PDE9A: variants seen among roughly 807,000 people sequenced by gnomAD.
PDE9A encodes high affinity cGMP-specific 3',5'-cyclic phosphodiesterase 9A.
PDE9A carries 60 observed loss-of-function variants against 87.4 expected under a neutral mutation model. That is an observed-to-expected ratio of 0.69 (90% CI 0.56 to 0.85). PDE9A has a LOEUF of 0.85. Among genes scored for constraint, PDE9A ranks in the 40% least tolerant of loss-of-function variants. The pLI is 0.00. For synonymous variants in PDE9A, 272 were observed against 279.4 expected, an observed-to-expected ratio of 0.97 and a Z score of 0.27; for missense variants, 665 against 779.0, an observed-to-expected ratio of 0.85 and a Z score of 1.74.
At chr21:42,662,176 C>A (rs796835825) in intron 1 of PDE9A, among the ~76,000 whole-genome samples, 16 of 152,234 alleles carry the variant, frequency 1.1e-4, no homozygotes, top group South Asian at 4.1e-4. Context: ...TTATCCATGT[C>A]ATGGATTTAA....
rs902347896 is a variant in PDE9A at position 42,696,784 on chromosome 21, C to G, written c.219-2184C>G. Among the ~76,000 whole-genome samples the G allele has an allele frequency of 1.3e-5, 2 of 152,184 alleles. No individual in the cohort carries two copies. The highest frequency in any genetic ancestry group is 4.8e-5 in the African/African-American group (2 of 41,472). On this transcript the variant is annotated intron_variant, in intron 3 of 19. Coordinates refer to ENST00000291539, the MANE Select transcript of PDE9A (RefSeq NM_002606.3). The surrounding 1 kb of genome is among the most constrained non-coding windows in gnomAD (Gnocchi z 5.1). ...GCTCTGGGTCTGTAAGGCAGTGAGG[C>G]TGAGGTTCCTGGGACAGCTGGGCAC...
intron 3 of PDE9A, chr21:42,689,530 T>C (rs1325677433): frequency 2.0e-6 from 2 of 985,280 alleles, no homozygotes; most frequent in Non-Finnish European, 2.4e-6. Flanking sequence ...AGAGGGGACC[T>C]CACAGAAACC....
Position 42,760,483 on chromosome 21 carries a change from G to A in PDE9A, c.1002+51G>A. The A allele has an allele frequency of 2.6e-6, 3 of 1,142,614 alleles. No homozygotes were observed. The highest frequency in any genetic ancestry group is 2.0e-4 in the Middle Eastern group (1 of 5,108). The allele number at this position is 1,142,614 out of a possible 1,614,324, so 70.8% of individuals were successfully genotyped here. On this transcript the variant is annotated intron_variant, in intron 12 of 19. Transcript: ENST00000291539. The surrounding 1 kb of genome is among the most constrained non-coding windows in gnomAD (Gnocchi z 5.2). ...GACCTCTACTCTCGGGGGTCAGACG[G>A]AGGCCCCCTTCCAGGGAGCGGCAGC...
At chr21:42,666,128 T>TG in intron 1 of PDE9A, among the ~76,000 whole-genome samples, 1 of 151,982 alleles carries the variant, frequency 6.6e-6, no homozygotes, top group East Asian at 1.9e-4. Context: ...ACCAGTGCAG[T>TG]GGGCGTGGCC....
intron 1 of PDE9A, among the ~76,000 whole-genome samples, chr21:42,684,754 C>T (rs2059354286): frequency 6.6e-6 from 1 of 152,134 alleles, no homozygotes; most frequent in African/African-American, 2.4e-5. Flanking sequence ...GGGACACAGC[C>T]GATGCCACAG....
rs1210180282 is a variant in PDE9A at position 42,705,810 on chromosome 21, C to G, written c.262+6799C>G. The stretch of plus-strand genomic sequence containing the variant: ...TGCTTGTTCTCCCCCACATTCCTGC[C>G]TGCCCTAGGACCCAGGACCTGTCTC... On this transcript the variant is annotated intron_variant, in intron 4 of 19. Transcript: ENST00000291539. This position sits in a 1 kb window ranked among gnomAD's most constrained non-coding sequence, Gnocchi z 4.3. Among the ~76,000 whole-genome samples, 1 of 152,136 alleles carries G rather than the reference C, an allele frequency of 6.6e-6. No individual in the cohort carries two copies. Among genetic ancestry groups the G allele is most frequent in the African/African-American group, 2.4e-5 (1 of 41,422 alleles).
chr21:42,729,086 A>G (rs994506641), intron 4 of PDE9A, among the ~76,000 whole-genome samples: 10 of 151,952 alleles, frequency 6.6e-5, no homozygotes, highest in Admixed American at 6.6e-4. Context: ...CTTTTTAAAC[A>G]TTTGGTAGAA....
chr21:42,769,636 A>C (rs1478663033), intron 17 of PDE9A, among the ~76,000 whole-genome samples: 2 of 143,936 alleles, frequency 1.4e-5, no homozygotes, highest in Admixed American at 1.4e-4. Context: ...ACACACAGGC[A>C]CACACAGGGA....
intron 3 of PDE9A, among the ~76,000 whole-genome samples, chr21:42,698,183 C>A (rs1267639309): frequency 6.6e-6 from 1 of 152,236 alleles, no homozygotes; most frequent in Admixed American, 6.5e-5. Context: ...CAAGATGTGG[C>A]AACCCACACC....
chr21:42,773,687 G>T (rs970806935), intron 19 of PDE9A, among the ~76,000 whole-genome samples: 3 of 151,826 alleles, frequency 2.0e-5, no homozygotes, highest in Admixed American at 2.0e-4. Flanking sequence ...TGTAGTCCCA[G>T]CTACTTGAGA....
intron 18 of PDE9A, among the ~76,000 whole-genome samples, chr21:42,771,377 T>G (rs13051772): frequency 0.88 from 134,752 of 152,292 alleles, 61,041 homozygotes; most frequent in Non-Finnish European, 0.98. Flanking sequence ...CACGCAGTCT[T>G]TCTACGGATT....
Position 42,704,638 on chromosome 21 carries a change from C to T in PDE9A, c.262+5627C>T, listed in dbSNP as rs1464573908. On this transcript the variant is annotated intron_variant, in intron 4 of 19. Coordinates refer to ENST00000291539, the MANE Select transcript of PDE9A (RefSeq NM_002606.3). This position sits in a 1 kb window ranked among gnomAD's most constrained non-coding sequence, Gnocchi z 5.3. ...TCAGGAGTTAGCTCTAGCGACGCCG[C>T]CCTGAGTTCTGGCCTGTAAGCAACC... is the stretch of plus-strand genomic sequence containing the variant. Among the ~76,000 whole-genome samples the T allele has an allele frequency of 6.6e-6, 1 of 152,212 alleles. No homozygotes were observed. The highest frequency in any genetic ancestry group is 1.9e-4 in the East Asian group (1 of 5,190).
chr21:42,715,009 G>A (rs376338682), intron 4 of PDE9A, among the ~76,000 whole-genome samples: 6 of 152,072 alleles, frequency 3.9e-5, no homozygotes, highest in Admixed American at 6.6e-5. Flanking sequence ...GCTCTACCAC[G>A]TTGCTATTTG....
chr21:42,679,607 A>T (rs2059050234), intron 1 of PDE9A, among the ~76,000 whole-genome samples: 1 of 152,156 alleles, frequency 6.6e-6, no homozygotes, highest in Non-Finnish European at 1.5e-5. Flanking sequence ...AAGCAGCACC[A>T]TGTGGGGCTC....
rs940277507 is a variant in PDE9A, at chr21:42,660,240, C to G, written c.69+6357C>G. 2.0e-5 allele frequency among the ~76,000 whole-genome samples: 3 copies of G among 152,184 alleles called. No individual in the cohort carries two copies. Among genetic ancestry groups the G allele is most frequent in the Non-Finnish European group, 4.4e-5 (3 of 68,026 alleles). ...CCCCCAGAGACCAGACGGCACAGCC[C>G]GATAGCTGGGCCTGCCCCAGACAAA... On this transcript the variant is annotated intron_variant, in intron 1 of 19. Transcript: ENST00000291539. This position sits in a 1 kb window ranked among gnomAD's most constrained non-coding sequence, Gnocchi z 4.7.
intron 1 of PDE9A, among the ~76,000 whole-genome samples, chr21:42,658,451 G>C (rs2057253658): frequency 6.6e-6 from 1 of 152,198 alleles, no homozygotes; most frequent in Admixed American, 6.5e-5. Context: ...AACCTTGTCT[G>C]GTGTGGTTAG....
rs1431702038 is a variant in PDE9A, at chr21:42,739,101, TG to T, written c.569-4672del. Among the ~76,000 whole-genome samples the T allele has an allele frequency of 1.3e-5, 2 of 152,352 alleles. No individual in the cohort carries two copies. The highest frequency in any genetic ancestry group is 2.9e-5 in the Non-Finnish European group (2 of 68,022). On this transcript the variant is annotated intron_variant, in intron 7 of 19. Transcript: ENST00000291539. The surrounding 1 kb of genome is among the most constrained non-coding windows in gnomAD (Gnocchi z 4.1). The stretch of plus-strand genomic sequence containing the variant: ...GCGGGAATAACAGGCAGCCGTGGGC[TG>T]GGCTCCCAGCCCCCTAGCAGGGTCC...
Position 42,696,767 on chromosome 21 carries a change from T to A in PDE9A, c.219-2201T>A, listed in dbSNP as rs1358030068. On this transcript the variant is annotated intron_variant, in intron 3 of 19. Transcript: ENST00000291539. This position sits in a 1 kb window ranked among gnomAD's most constrained non-coding sequence, Gnocchi z 5.1. Reference sequence around the variant, plus strand: ...GCCTCTTCACGCCTTGGGCTCTGGGTCTGTAAGGCAGTGAGGCTGAGGTTC... The same window carrying A: ...GCCTCTTCACGCCTTGGGCTCTGGGACTGTAAGGCAGTGAGGCTGAGGTTC... 1.3e-5 allele frequency among the ~76,000 whole-genome samples: 2 copies of A among 152,102 alleles called. No homozygotes were observed. The highest frequency in any genetic ancestry group is 1.3e-4 in the Admixed American group (2 of 15,282).
intron 6 of PDE9A, among the ~76,000 whole-genome samples, chr21:42,733,095 T>A (rs1186393881): frequency 6.6e-6 from 1 of 152,216 alleles, no homozygotes; most frequent in East Asian, 1.9e-4. Flanking sequence ...TTGGGTCCAC[T>A]GCTCAGGCCC....
Sources: allele counts gnomAD v4.1 joint callset (sites outside exome capture counted in the v4.1 genomes callset), GRCh38; gene constraint gnomAD v4.1.1; non-coding constraint Gnocchi (gnomAD v3.1); transcripts MANE v1.5; gene names NCBI Gene and HGNC (gene_info 2026-07-23, HGNC 2026-07-21).